Variants in CEP85 observed in about 807,000 individuals in gnomAD.
The protein encoded by CEP85 is centrosomal protein 85, also known as centrosomal protein of 85 kDa.
Under a neutral mutation model 93.7 loss-of-function variants are expected in CEP85, and 58 were observed. That is an observed-to-expected ratio of 0.62 (90% CI 0.50 to 0.77). CEP85 has a LOEUF of 0.77. Ranked by LOEUF, CEP85 falls within the 30% of genes least tolerant of loss-of-function variation. The probability of loss-of-function intolerance (pLI) is 0.00; values close to 1 mark genes in which losing one functional copy is unlikely to be tolerated. For missense variants in CEP85, 868 were observed against 922.0 expected, an observed-to-expected ratio of 0.94 and a Z score of 0.76; for synonymous variants, 314 against 338.6, an observed-to-expected ratio of 0.93 and a Z score of 0.80.
chr1:26,235,203 G>C (rs1303103036), intron 1 of CEP85, among the ~76,000 whole-genome samples: 1 of 152,234 alleles, frequency 6.6e-6, no homozygotes, highest in Non-Finnish European at 1.5e-5. Context: ...CAGGCGCATA[G>C]TAGGCACGCA....
intron 3 of CEP85, among the ~76,000 whole-genome samples, chr1:26,246,932 A>G (rs1334558487): frequency 2.0e-5 from 3 of 152,166 alleles, no homozygotes; most frequent in South Asian, 2.1e-4. Flanking sequence ...GGGGTCTCCA[A>G]CCCCTGGGCC....
chr1:26,255,876 A>G lies in CEP85; in HGVS notation c.903+11A>G, dbSNP rs755407610. 25 of 1,582,804 alleles carry G rather than the reference A, an allele frequency of 1.6e-5. No individual in the cohort carries two copies. The highest frequency in any genetic ancestry group is 7.2e-5 in the Admixed American group (4 of 55,682). On this transcript the variant is annotated intron_variant, in intron 4 of 13. Transcript: ENST00000451429. The stretch of plus-strand genomic sequence containing the variant: ...ATGGAGCAAATGCAGGTAGAGGTCT[A>G]TCTTTCCTTGGATTTTCTAGGTTCT...
At position 26,276,643 on chromosome 1, in the gene CEP85, C is replaced by G; in HGVS notation, c.2011C>G (p.Leu671Val). ...PPSPDTAQLALELHQELASCL... is the reference protein window; with the variant it reads ...PPSPDTAQLAVELHQELASCL... ...TTCACCAGACACGGCCCAGCTGGCA[C>G]TTGAGCTGCACCAGGAGTTGGCCAG... The change falls in exon 13 of 14, where the codon CTT (leucine) becomes GTT (valine). Residue 671 changes from leucine to valine, a missense_variant. Leu to Val is a conservative substitution (Grantham distance 32). Coordinates refer to ENST00000451429, the MANE Select transcript of CEP85 (RefSeq NM_001319944.2). The G allele has an allele frequency of 6.2e-7, 1 of 1,614,254 alleles. No homozygotes were observed. The highest frequency in any genetic ancestry group is 1.1e-5 in the South Asian group (1 of 91,088).
chr1:26,274,589 C>A (rs2090026202), intron 11 of CEP85, among the ~76,000 whole-genome samples: 1 of 152,124 alleles, frequency 6.6e-6, no homozygotes, highest in Non-Finnish European at 1.5e-5. Flanking sequence ...AGCAGAAGAG[C>A]AGCTTGAAGA....
Position 26,234,214 on chromosome 1 carries a change from A to G in CEP85, c.-119A>G, listed in dbSNP as rs1033002386. ...GCCTGGCGGGCGTGCAACGGCCGTT[A>G]GAGGAGCTGAGGGAGGGAACCACCG... On this transcript the variant is annotated 5_prime_UTR_variant, in exon 1 of 14. Coordinates refer to ENST00000451429, the MANE Select transcript of CEP85 (RefSeq NM_001319944.2). 5 of 152,284 alleles carry G rather than the reference A, an allele frequency of 3.3e-5. No homozygotes were observed. Among genetic ancestry groups the G allele is most frequent in the Non-Finnish European group, 5.9e-5 (4 of 68,106 alleles). 9.4% of individuals were successfully genotyped at this position (152,284 alleles called of 1,614,324 possible). A position where few individuals can be genotyped will look rare whatever the true frequency, so the allele number is the denominator to read the frequency against.
At chr1:26,246,082 T>C (rs948799842) in intron 3 of CEP85, among the ~76,000 whole-genome samples, 4 of 152,188 alleles carry the variant, frequency 2.6e-5, no homozygotes, top group Non-Finnish European at 4.4e-5. Context: ...TTCTGTGCAC[T>C]CTTTTTAAAT....
intron 12 of CEP85, 64 bp downstream of exon 12, chr1:26,275,135 C>A: frequency 8.2e-7 from 1 of 1,213,042 alleles, no homozygotes; most frequent in Non-Finnish European, 1.2e-6. Context: ...TGTTTGCCCT[C>A]CCCATCTCTA....
At position 26,269,579 on chromosome 1, in the gene CEP85, G is replaced by T; in HGVS notation, c.1614G>T (p.Arg538Ser). ...REKEIQLESL[R>S]QREAEFSSAG... ...AGGAGATTCAACTGGAAAGCCTGAG[G>T]CAGAGAGAAGCAGAATTCTCCTCCG... is the stretch of plus-strand genomic sequence containing the variant. The change falls in exon 9 of 14, where the codon AGG becomes AGT. Residue 538 changes from arginine (R) to serine (S), a missense_variant. Physicochemically the swap from Arg to Ser is moderately radical, Grantham distance 110 (BLOSUM62 -1). Transcript: ENST00000451429. The T allele has an allele frequency of 1.2e-6, 2 of 1,614,064 alleles. No homozygotes were observed. Among genetic ancestry groups the T allele is most frequent in the South Asian group, 2.2e-5 (2 of 91,080 alleles).
chr1:26,277,141 C>T lies in CEP85; in HGVS notation c.2134C>T (p.His712Tyr), dbSNP rs1351260077. 2.5e-6 allele frequency: 4 copies of T among 1,613,160 alleles called. No homozygotes were observed. Among genetic ancestry groups the T allele is most frequent in the South Asian group, 1.1e-5 (1 of 91,064 alleles). The change falls in exon 14 of 14, where the codon CAC (histidine) becomes TAC (tyrosine). Residue 712 changes from histidine (H) to tyrosine (Y), a missense_variant. Coordinates refer to ENST00000451429, the MANE Select transcript of CEP85 (RefSeq NM_001319944.2). ...LSLLLGIHSQ[H>Y]PETQLDLQKP... ...AATGCTCTTCTCCCCAGCAGCACAG[C>T]ACCCAGAGACTCAGCTAGATTTGCA...
At position 26,268,548 on chromosome 1, in the gene CEP85, C is replaced by G. The variant is rs2089926019; in HGVS notation, c.1407C>G (p.Asn469Lys). Residue 469 changes from asparagine to lysine, a missense_variant, in exon 8 of 14, where the codon AAC becomes AAG. By Grantham distance (94) the Asn-to-Lys change is moderately conservative. Coordinates refer to ENST00000451429, the MANE Select transcript of CEP85 (RefSeq NM_001319944.2). ...AATGCCAGAAGGAATCAGAGCAGAA[C>G]CGGGAGAAGCAGCAGCGTATTGAGA... ...KKKCQKESEQ[N>K]REKQQRIETL... The G allele has an allele frequency of 6.2e-7, 1 of 1,614,064 alleles. No individual in the cohort carries two copies. The highest frequency in any genetic ancestry group is 8.5e-7 in the Non-Finnish European group (1 of 1,179,988).
chr1:26,274,994 G>A lies in CEP85; in HGVS notation c.1825G>A (p.Gly609Arg). 1 of 1,582,130 alleles carries A rather than the reference G, an allele frequency of 6.3e-7. No individual in the cohort carries two copies. Among genetic ancestry groups the A allele is most frequent in the Non-Finnish European group, 8.6e-7 (1 of 1,164,138 alleles). Residue 609 changes from glycine to arginine, a missense_variant, in exon 12 of 14, where the codon GGA becomes AGA. Transcript: ENST00000451429. ...AGAGCAGGAAGTGGCTCAAGAAGAA[G>A]GAACAAGCCAGGCCCTGAGAGAGGA... The part of the protein sequence containing the change: ...SLEQEVAQEE[G>R]TSQALREEAQ...
Position 26,255,562 on chromosome 1 carries a change from T to A in CEP85, c.600T>A (p.Asp200Glu). 6.2e-7 allele frequency: 1 copy of A among 1,613,904 alleles called. No individual in the cohort carries two copies. Among genetic ancestry groups the A allele is most frequent in the Non-Finnish European group, 8.5e-7 (1 of 1,179,980 alleles). ...QSAMMETLYSDPHHRVRFHNP... is the reference protein window; with the variant it reads ...QSAMMETLYSEPHHRVRFHNP... ...CAATGATGGAGACACTTTATTCAGA[T>A]CCTCACCACCGAGTCCGCTTCCACA... is the stretch of plus-strand genomic sequence containing the variant. Residue 200 changes from aspartate to glutamate, a missense_variant, in exon 4 of 14, where the codon GAT (aspartate) becomes GAA (glutamate). Asp to Glu is a conservative substitution (Grantham distance 45). Coordinates refer to ENST00000451429, the MANE Select transcript of CEP85 (RefSeq NM_001319944.2).
intron 10 of CEP85, 74 bp downstream of exon 10, chr1:26,271,181 C>A: frequency 1.1e-6 from 1 of 950,342 alleles, no homozygotes; most frequent in Non-Finnish European, 1.7e-6. Flanking sequence ...AGGAGGGATA[C>A]GTGAATTCTT....
Position 26,257,727 on chromosome 1 carries a change from A to T in CEP85, c.1034A>T (p.Asp345Val). Residue 345 changes from aspartate to valine, a missense_variant, in exon 5 of 14, where the codon GAC becomes GTC. By Grantham distance (152) the Asp-to-Val change is radical. Transcript: ENST00000451429. ...CTGAAGGAAAAAGAGCTTCTCATTG[A>T]CAAGTAAGAGGGCAAGGGGTACCAC... ...HLLKEKELLI[D>V]KQRKHISQLE... The T allele has an allele frequency of 6.2e-7, 1 of 1,614,112 alleles. No homozygotes were observed. Among genetic ancestry groups the T allele is most frequent in the Non-Finnish European group, 8.5e-7 (1 of 1,179,988 alleles).
intron 9 of CEP85, 101 bp downstream of exon 9, chr1:26,269,715 A>C (rs2089945571): frequency 1.2e-6 from 1 of 856,956 alleles, no homozygotes; most frequent in South Asian, 1.7e-5. Context: ...TGGGAAAATC[A>C]TTTTACTTAT....
At chr1:26,236,736 TAAC>T (rs1401704392) in intron 1 of CEP85, among the ~76,000 whole-genome samples, 4 of 152,346 alleles carry the variant, frequency 2.6e-5, no homozygotes, top group African/African-American at 9.6e-5. Flanking sequence ...GTGATCCTGA[TAAC>T]GTGTGCCCTG....
chr1:26,247,479 T>C (rs2089528772), intron 3 of CEP85, among the ~76,000 whole-genome samples: 1 of 151,698 alleles, frequency 6.6e-6, no homozygotes, highest in Non-Finnish European at 1.5e-5. Flanking sequence ...GTACCTATAG[T>C]CCCAGCTGCT....
At chr1:26,235,567 C>CTTTTTTTTTTTTTTTTTTTTTTTTTTTT (rs1192252673) in intron 1 of CEP85, among the ~76,000 whole-genome samples, 2 of 95,588 alleles carry the variant, frequency 2.1e-5, no homozygotes, top group African/African-American at 4.4e-5. Context: ...GATTGTAATT[C>CTTTTTTTTTTTTTTTTTTTTTTTTTTTT]TTTTTTTTTT....
intron 9 of CEP85, among the ~76,000 whole-genome samples, chr1:26,270,119 G>A (rs796702922): frequency 6.6e-6 from 1 of 152,140 alleles, no homozygotes; most frequent in Admixed American, 6.5e-5. Flanking sequence ...TGGATGCAGT[G>A]GGGGCTTATC....
Sources: gnomAD v4.1 joint callset for allele counts (sites outside exome capture counted in the v4.1 genomes callset) on GRCh38, gnomAD v4.1.1 for gene constraint, MANE v1.5 for transcripts, NCBI Gene and HGNC (gene_info 2026-07-23, HGNC 2026-07-21) for gene names.